Variants in PRUNE1 observed in about 807,000 individuals in gnomAD.
PRUNE1 encodes the protein exopolyphosphatase PRUNE1.
In PRUNE1, 25 loss-of-function variants were observed where a neutral mutation model predicts 42.5. That is an observed-to-expected ratio of 0.59 (90% CI 0.43 to 0.82). The LOEUF (loss-of-function observed/expected upper bound fraction) is 0.82. Ranked by LOEUF, PRUNE1 falls within the 40% of genes least tolerant of loss-of-function variation. The pLI, the probability that PRUNE1 is intolerant of heterozygous loss-of-function variation, is 0.00. For synonymous variants in PRUNE1, 203 were observed against 217.1 expected (o/e 0.93, Z 0.57); for missense variants, 443 against 539.3 (o/e 0.82, Z 1.77).
In PRUNE1 at chr1:151,008,550, G is replaced by C; in HGVS notation, c.-83G>C. 6.5e-7 allele frequency: 1 copy of C among 1,532,502 alleles called. No homozygotes were observed. Among genetic ancestry groups the C allele is most frequent in the South Asian group, 1.1e-5 (1 of 89,322 alleles). 94.9% of individuals were successfully genotyped at this position (1,532,502 alleles called of 1,614,324 possible). A position where few individuals can be genotyped will look rare whatever the true frequency, so the allele number is the denominator to read the frequency against. On this transcript the variant is annotated 5_prime_UTR_variant, in exon 1 of 8. Transcript: ENST00000271620. ...GGCCTCTAGTCCCTGAGTCCCGGGC[G>C]GGCTGCATTCGTCGGGGAAACCTCT...
chr1:151,015,695 T>C (rs1173190631), intron 1 of PRUNE1, among the ~76,000 whole-genome samples: 1 of 150,156 alleles, frequency 6.7e-6, no homozygotes, highest in Non-Finnish European at 1.5e-5. Flanking sequence ...TCCCAGCTAC[T>C]CAGGAGGCTG....
chr1:151,022,636 G>C (rs954170973), intron 3 of PRUNE1: 1 of 147,412 alleles, frequency 6.8e-6, no homozygotes, highest in Admixed American at 6.8e-5. Flanking sequence ...AGCCAGGATG[G>C]TCTCGATCTG....
intron 1 of PRUNE1, among the ~76,000 whole-genome samples, chr1:151,009,729 A>T (rs1428309364): frequency 1.3e-5 from 2 of 152,240 alleles, no homozygotes; most frequent in Non-Finnish European, 2.9e-5. Flanking sequence ...AATTGTCTTC[A>T]TATTGAATTG....
chr1:151,031,441 C>T (rs996391392), intron 7 of PRUNE1, among the ~76,000 whole-genome samples: 2 of 152,094 alleles, frequency 1.3e-5, no homozygotes, highest in Admixed American at 6.6e-5. Context: ...CCAGCCTCAG[C>T]TTCCCAGAGT....
intron 3 of PRUNE1, among the ~76,000 whole-genome samples, chr1:151,021,226 G>A (rs587688215): frequency 2.3e-4 from 35 of 151,664 alleles, no homozygotes; most frequent in East Asian, 7.8e-4. Context: ...AGGCTGAGGC[G>A]GGCAGAATCA....
At position 151,018,997 on chromosome 1, in the gene PRUNE1, C is replaced by T. The variant is rs587708391; in HGVS notation, c.335+328C>T. ...GGTGGTGGTTGCAGTGAGCCGAGAT[C>T]GTGCCACTGCACTCCAGCCTGAGCG... On this transcript the variant is annotated intron_variant, in intron 3 of 7. Coordinates refer to ENST00000271620, the MANE Select transcript of PRUNE1 (RefSeq NM_021222.3). 8.5e-5 allele frequency among the ~76,000 whole-genome samples: 13 copies of T among 152,208 alleles called. 1 individual carries two copies. In the East Asian group the frequency reaches 1.7e-3, roughly 20 times the overall value.
chr1:151,019,948 C>A (rs1674318471), intron 3 of PRUNE1, among the ~76,000 whole-genome samples: 1 of 151,350 alleles, frequency 6.6e-6, no homozygotes, highest in African/African-American at 2.4e-5. Flanking sequence ...CTCCCTGCCT[C>A]AGTCTCCTGA....
At chr1:151,028,469 G>A (rs1430515043) in intron 6 of PRUNE1, among the ~76,000 whole-genome samples, 3 of 151,972 alleles carry the variant, frequency 2.0e-5, no homozygotes, top group Non-Finnish European at 4.4e-5. Flanking sequence ...TGTCCCCCAG[G>A]CTGGAGTGCA....
At chr1:151,016,870 T>C (rs1362360676) in intron 1 of PRUNE1, among the ~76,000 whole-genome samples, 2 of 151,672 alleles carry the variant, frequency 1.3e-5, no homozygotes, top group African/African-American at 4.8e-5. Flanking sequence ...TTTAGAAGTG[T>C]AAGCATTCGG....
chr1:151,018,736 A>G (rs747770782), intron 3 of PRUNE1, 67 bp downstream of exon 3: 8 of 1,447,054 alleles, frequency 5.5e-6, no homozygotes, highest in Non-Finnish European at 7.6e-6. Context: ...GTGAGATATA[A>G]AGAGAGGAAG....
intron 3 of PRUNE1, 62 bp downstream of exon 3, chr1:151,018,731 A>T (rs1222071082): frequency 5.5e-6 from 8 of 1,465,190 alleles, no homozygotes; most frequent in Non-Finnish European, 7.5e-6. Context: ...GATGAGTGAG[A>T]TATAAAGAGA....
rs1298319992 is a variant in PRUNE1 at position 151,008,557 on chromosome 1, A to G, written c.-76A>G. On this transcript the variant is annotated 5_prime_UTR_variant, in exon 1 of 8. Transcript: ENST00000271620. ...AGTCCCTGAGTCCCGGGCGGGCTGC[A>G]TTCGTCGGGGAAACCTCTCCTCGAC... The G allele has an allele frequency of 5.1e-6, 8 of 1,564,666 alleles. No individual in the cohort carries two copies. Among genetic ancestry groups the G allele is most frequent in the Middle Eastern group, 1.7e-4 (1 of 5,980 alleles).
At chr1:151,017,740 A>G in intron 1 of PRUNE1, 72 bp from the exon 2 acceptor site, 1 of 988,660 alleles carries the variant, frequency 1.0e-6, no homozygotes, top group South Asian at 1.6e-5. Flanking sequence ...TATATATATT[A>G]TTTAAAAAAA....
rs587729436 is a variant in PRUNE1 at position 151,014,373 on chromosome 1, G to T, written c.40-3439G>T. The stretch of plus-strand genomic sequence containing the variant: ...GGGCCCTTTGGGCAGAACCCGGACA[G>T]ATAACCTCTGTCTTCTGTATTTCTC... On this transcript the variant is annotated intron_variant, in intron 1 of 7. Transcript: ENST00000271620. Among the ~76,000 whole-genome samples, 20 of 152,342 alleles carry T rather than the reference G, an allele frequency of 1.3e-4. No homozygotes were observed. The South Asian group carries it at 3.3e-3, about 25-fold the overall frequency.
chr1:151,018,838 T>G (rs1674256807), intron 3 of PRUNE1, among the ~76,000 whole-genome samples, 169 bp downstream of exon 3: 1 of 151,686 alleles, frequency 6.6e-6, no homozygotes, highest in Non-Finnish European at 1.5e-5. Flanking sequence ...AGATCAGGAT[T>G]TTGAGACCAG....
rs1673478964 is a variant in PRUNE1, at chr1:151,008,525, G to A, written c.-108G>A. 7.0e-7 allele frequency: 1 copy of A among 1,418,472 alleles called. No homozygotes were observed. Among genetic ancestry groups the A allele is most frequent in the Non-Finnish European group, 1.0e-6 (1 of 1,003,998 alleles). The allele number at this position is 1,418,472 out of a possible 1,614,324, so 87.9% of individuals were successfully genotyped here. ...GGTTCGAGTCCCGCCTCCTGACTCT[G>A]GCCTCTAGTCCCTGAGTCCCGGGCG... is the stretch of plus-strand genomic sequence containing the variant. On this transcript the variant is annotated 5_prime_UTR_variant, in exon 1 of 8. Coordinates refer to ENST00000271620, the MANE Select transcript of PRUNE1 (RefSeq NM_021222.3).
Position 151,029,060 on chromosome 1 carries a change from A to G in PRUNE1, c.933+116A>G, listed in dbSNP as rs1408778284. 2.2e-5 allele frequency: 24 copies of G among 1,088,224 alleles called. No homozygotes were observed. In the East Asian group the frequency reaches 6.3e-4, roughly 28 times the overall value. The allele number at this position is 1,088,224 out of a possible 1,614,324, so 67.4% of individuals were successfully genotyped here. ...CTTAGGTTCTTATATTAATGTACTTACATGAGGTCCCTTGACCTGTTTCTG... is the reference window on the plus strand; with the variant it reads ...CTTAGGTTCTTATATTAATGTACTTGCATGAGGTCCCTTGACCTGTTTCTG... On this transcript the variant is annotated intron_variant, in intron 7 of 7. Transcript: ENST00000271620.
intron 5 of PRUNE1, among the ~76,000 whole-genome samples, chr1:151,026,875 T>A (rs1489200033): frequency 2.1e-5 from 3 of 145,892 alleles, no homozygotes; most frequent in Non-Finnish European, 4.5e-5. Flanking sequence ...TGAGACAGAG[T>A]CCAGGTTCAA....
chr1:151,011,783 ATT>A (rs11342247), intron 1 of PRUNE1, among the ~76,000 whole-genome samples: 76 of 145,290 alleles, frequency 5.2e-4, no homozygotes, highest in South Asian at 3.1e-3. Context: ...TAATTAATTA[ATT>A]TTTTTTTTTT....
Sources: allele counts gnomAD v4.1 joint callset (sites outside exome capture counted in the v4.1 genomes callset), GRCh38; gene constraint gnomAD v4.1.1; transcripts MANE v1.5; gene names NCBI Gene and HGNC (gene_info 2026-07-23, HGNC 2026-07-21).